The following SUSD5 variants were observed in gnomAD, a reference collection of about 807,000 sequenced individuals.
SUSD5 encodes sushi domain containing 5, also known as sushi domain-containing protein 5.
Under a neutral mutation model 29.5 loss-of-function variants are expected in SUSD5, and 33 were observed. That is an observed-to-expected ratio of 1.12 (90% CI 0.85 to 1.49). SUSD5 has a LOEUF of 1.49. Among genes scored for constraint, SUSD5 ranks in the 40% most tolerant of loss-of-function variants. The probability of loss-of-function intolerance (pLI) is 0.00; values close to 1 mark genes in which losing one functional copy is unlikely to be tolerated. For synonymous variants in SUSD5, 308 were observed against 325.3 expected, an observed-to-expected ratio of 0.95 and a Z score of 0.57; for missense variants, 776 against 800.6, an observed-to-expected ratio of 0.97 and a Z score of 0.37.
At chr3:33,180,406 G>A (rs1297550835) in intron 3 of SUSD5, among the ~76,000 whole-genome samples, 3 of 152,316 alleles carry the variant, frequency 2.0e-5, no homozygotes, top group East Asian at 1.9e-4. Context: ...TGTCACTCAC[G>A]TTGGAGTGCA....
intron 2 of SUSD5, among the ~76,000 whole-genome samples, chr3:33,210,857 A>C (rs899769578): frequency 7.1e-6 from 1 of 140,942 alleles, no homozygotes; most frequent in Non-Finnish European, 1.6e-5. Context: ...TAACAAGTAT[A>C]TTTTCTTTAT....
rs751292745 is a variant in SUSD5, at chr3:33,153,053, G to C, written c.1579C>G (p.Pro527Ala). The change falls in exon 5 of 5, where the codon CCT becomes GCT. Residue 527 changes from proline to alanine, a missense_variant. Physicochemically the swap from Pro to Ala is conservative, Grantham distance 27 (BLOSUM62 -1). Transcript: ENST00000309558. The stretch of plus-strand genomic sequence containing the variant: ...TATGGGAAGCTATCCTGGATCTCAG[G>C]AACAGTGGTTTCTACTGGAGGCTGG... ...TTQPPVETTV[P>A]EIQDSFPYLL... 3.1e-6 allele frequency: 5 copies of C among 1,613,860 alleles called. No individual in the cohort carries two copies. Among genetic ancestry groups the C allele is most frequent in the Admixed American group, 3.3e-5 (2 of 60,008 alleles).
intron 3 of SUSD5, among the ~76,000 whole-genome samples, chr3:33,197,870 T>C (rs1298678382): frequency 4.6e-5 from 7 of 152,220 alleles, no homozygotes; most frequent in African/African-American, 1.2e-4. Flanking sequence ...CATTCATCAG[T>C]TGATGAACAT....
At chr3:33,181,654 T>C (rs2031676125) in intron 3 of SUSD5, among the ~76,000 whole-genome samples, 3 of 152,192 alleles carry the variant, frequency 2.0e-5, no homozygotes, top group Admixed American at 2.0e-4. Flanking sequence ...ATCACAGGCA[T>C]GAGTTACTGT....
chr3:33,208,767 C>T (rs1407884039), intron 2 of SUSD5, among the ~76,000 whole-genome samples: 5 of 152,224 alleles, frequency 3.3e-5, no homozygotes, highest in East Asian at 1.9e-4. Flanking sequence ...ATCATCTTCC[C>T]TAATAATACA....
rs566323242 is a variant in SUSD5, at chr3:33,151,166, A to C, written c.*1576T>G. ...CCAACAGGCTCTCAAACTTGAGTGC[A>C]TATCAAAATCACCTGGAGGGCTTGT... On this transcript the variant is annotated 3_prime_UTR_variant, in exon 5 of 5. Transcript: ENST00000309558. The C allele has an allele frequency of 6.6e-6, 1 of 152,212 alleles. No individual in the cohort carries two copies. The highest frequency in any genetic ancestry group is 2.4e-5 in the African/African-American group (1 of 41,438). The allele number at this position is 152,212 out of a possible 1,614,324, so 9.4% of individuals were successfully genotyped here. A position where few individuals can be genotyped will look rare whatever the true frequency, so the allele number is the denominator to read the frequency against.
At position 33,152,898 on chromosome 3, in the gene SUSD5, G is replaced by C. The variant is rs200074449; in HGVS notation, c.1734C>G (p.Thr578=). Residue 578 remains threonine, a synonymous_variant, in exon 5 of 5, where the codon ACC becomes ACG. Transcript: ENST00000309558. ...PGLSRGPVIA[T]IVTVLCLLLL... is the part of the protein sequence containing the mutation. ...GCAGTAGGCACAGGACGGTGACAATGGTGGCGATCACAGGGCCTCTGCTGA... is the reference window on the plus strand; with the variant it reads ...GCAGTAGGCACAGGACGGTGACAATCGTGGCGATCACAGGGCCTCTGCTGA... 4.4e-4 allele frequency: 716 copies of C among 1,613,990 alleles called. 4 individuals are homozygous for C. The African/African-American group carries it at 8.5e-3, about 19-fold the overall frequency.
chr3:33,182,995 C>T lies in SUSD5; in HGVS notation c.410-7921G>A, dbSNP rs140922637. ...TTTTTTTAGTAGAGACAGGGTTTCA[C>T]CGTGTTAGCCAGGATGGTCTCGATC... On this transcript the variant is annotated intron_variant, in intron 3 of 4. Coordinates refer to ENST00000309558, the MANE Select transcript of SUSD5 (RefSeq NM_015551.2). Among the ~76,000 whole-genome samples the T allele has an allele frequency of 9.9e-3, 1,507 of 152,004 alleles. 19 individuals are homozygous for T. Among genetic ancestry groups the T allele is most frequent in the Non-Finnish European group, 0.012 (821 of 67,964 alleles).
chr3:33,155,582 A>G (rs934180383), intron 4 of SUSD5, among the ~76,000 whole-genome samples: 1 of 152,240 alleles, frequency 6.6e-6, no homozygotes, highest in African/African-American at 2.4e-5. Context: ...TAATGTGTGC[A>G]TATGGGTACC....
chr3:33,164,860 T>C (rs2125616739), intron 4 of SUSD5, among the ~76,000 whole-genome samples: 1 of 152,198 alleles, frequency 6.6e-6, no homozygotes, highest in East Asian at 1.9e-4. Flanking sequence ...ACAATACCAA[T>C]TGTTGATGGG....
At chr3:33,216,555 T>C (rs2032430880) in intron 1 of SUSD5, among the ~76,000 whole-genome samples, 1 of 152,218 alleles carries the variant, frequency 6.6e-6, no homozygotes, top group South Asian at 2.1e-4. Context: ...ATAGATTCAA[T>C]AATCCCAAAC....
At chr3:33,195,188 C>CT (rs2031972943) in intron 3 of SUSD5, among the ~76,000 whole-genome samples, 1 of 152,210 alleles carries the variant, frequency 6.6e-6, no homozygotes, top group Non-Finnish European at 1.5e-5. Context: ...GAGTGAGACT[C>CT]TGTCTCAAAA....
chr3:33,184,252 C>A (rs1156365805), intron 3 of SUSD5, among the ~76,000 whole-genome samples: 1 of 152,066 alleles, frequency 6.6e-6, no homozygotes, highest in Non-Finnish European at 1.5e-5. Context: ...ACACTGTCTT[C>A]TTTCTTGCAT....
intron 4 of SUSD5, among the ~76,000 whole-genome samples, chr3:33,158,737 G>A (rs946354325): frequency 6.6e-6 from 1 of 152,160 alleles, no homozygotes; most frequent in Non-Finnish European, 1.5e-5. Context: ...GAATATCCCT[G>A]TTCTCAGCCA....
chr3:33,160,798 G>GA (rs5847776), intron 4 of SUSD5, among the ~76,000 whole-genome samples: 43,626 of 151,324 alleles, frequency 0.29, 7,075 homozygotes, highest in East Asian at 0.51. Context: ...TATAAAACCA[G>GA]AAAAAAAAGA....
At chr3:33,209,236 C>T (rs1213497873) in intron 2 of SUSD5, among the ~76,000 whole-genome samples, 1 of 152,114 alleles carries the variant, frequency 6.6e-6, no homozygotes, top group African/African-American at 2.4e-5. Context: ...ATGATTCTTA[C>T]CAGTCTTACC....
At chr3:33,158,201 C>T (rs1415373254) in intron 4 of SUSD5, among the ~76,000 whole-genome samples, 1 of 152,232 alleles carries the variant, frequency 6.6e-6, no homozygotes, top group Non-Finnish European at 1.5e-5. Context: ...TCTCCCAAAA[C>T]ACAAGAGGAC....
At chr3:33,196,026 T>TAC (rs2031988861) in intron 3 of SUSD5, among the ~76,000 whole-genome samples, 1 of 152,214 alleles carries the variant, frequency 6.6e-6, no homozygotes, top group Non-Finnish European at 1.5e-5. Flanking sequence ...TCCCAGTGCC[T>TAC]ACCACATTCC....
In SUSD5 at chr3:33,184,877, T is replaced by C. The variant is rs181829023; in HGVS notation, c.410-9803A>G. On this transcript the variant is annotated intron_variant, in intron 3 of 4. Coordinates refer to ENST00000309558, the MANE Select transcript of SUSD5 (RefSeq NM_015551.2). The stretch of plus-strand genomic sequence containing the variant: ...ATTTTAAAATTCCTGGTCTAATAAA[T>C]TCAATGTTCCCGCCCTATCTGAGTC... 3.3e-5 allele frequency among the ~76,000 whole-genome samples: 5 copies of C among 152,358 alleles called. No homozygotes were observed. In the East Asian group the frequency reaches 7.7e-4, roughly 24 times the overall value.
Sources: gnomAD v4.1 joint callset for allele counts (sites outside exome capture counted in the v4.1 genomes callset) on GRCh38, gnomAD v4.1.1 for gene constraint, MANE v1.5 for transcripts, NCBI Gene and HGNC (gene_info 2026-07-23, HGNC 2026-07-21) for gene names.